Variants in PTK7 observed in about 807,000 individuals in gnomAD.
The protein encoded by PTK7 is protein tyrosine kinase 7 (inactive), also known as inactive tyrosine-protein kinase 7.
In PTK7, 39 loss-of-function variants were observed where a neutral mutation model predicts 116.6. The observed-to-expected ratio is 0.33, with a 90% CI of 0.26 to 0.44. The LOEUF (loss-of-function observed/expected upper bound fraction) is 0.44. Ranked by LOEUF, PTK7 falls within the 20% of genes least tolerant of loss-of-function variation. PTK7 has a pLI of 1.00. For synonymous variants in PTK7, 546 were observed against 563.6 expected (o/e 0.97, Z 0.44); for missense variants, 1,169 against 1,425.6 (o/e 0.82, Z 2.90).
At position 43,131,889 on chromosome 6, in the gene PTK7, T is replaced by C. The variant is rs968838512; in HGVS notation, c.813-127T>C. Reference sequence around the variant, plus strand: ...CCAGTCTGGAGTGTCAGCTTCCTTCTCTCTGCCCTGTTCCTGGTCGATTCC... The same window carrying C: ...CCAGTCTGGAGTGTCAGCTTCCTTCCCTCTGCCCTGTTCCTGGTCGATTCC... On this transcript the variant is annotated intron_variant, in intron 5 of 19. Transcript: ENST00000230419. The C allele has an allele frequency of 3.1e-6, 4 of 1,304,422 alleles. No homozygotes were observed. In the African/African-American group the frequency reaches 5.8e-5, roughly 19 times the overall value. 80.8% of individuals were successfully genotyped at this position (1,304,422 alleles called of 1,614,324 possible).
intron 1 of PTK7, among the ~76,000 whole-genome samples, chr6:43,092,920 T>C (rs1050788869): frequency 2.6e-5 from 4 of 152,224 alleles, no homozygotes; most frequent in African/African-American, 9.7e-5. Context: ...TTTACAGGCC[T>C]AGTTTTGCTT....
Position 43,132,574 on chromosome 6 carries a change from A to G in PTK7, c.1115A>G (p.Lys372Arg). Residue 372 changes from lysine (K) to arginine (R), a missense_variant, in exon 7 of 20, where the codon AAG becomes AGG. This residue lies in a region of PTK7 where 487 missense variants were observed against 549.8 expected (regional missense o/e 0.89). Transcript: ENST00000230419. The part of the protein sequence containing the change: ...RLPTHGRVYQ[K>R]GHELVLANIA... The stretch of plus-strand genomic sequence containing the variant: ...CCCACCCATGGCAGGGTCTACCAGA[A>G]GGGCCACGAGCTGGTGTTGGCCAAT... The G allele has an allele frequency of 1.2e-6, 2 of 1,613,344 alleles. No individual in the cohort carries two copies. Among genetic ancestry groups the G allele is most frequent in the Non-Finnish European group, 1.7e-6 (2 of 1,179,836 alleles).
At position 43,145,905 on chromosome 6, in the gene PTK7, A is replaced by C. The variant is rs981083845; in HGVS notation, c.2640+473A>C. The C allele has an allele frequency of 1.3e-5, 2 of 153,008 alleles. No homozygotes were observed. The highest frequency in any genetic ancestry group is 2.9e-5 in the Non-Finnish European group (2 of 68,672). The allele number at this position is 153,008 out of a possible 1,614,324, so 9.5% of individuals were successfully genotyped here. ...CCTCTCCACTCAGGGTGTCATTCCCAGAGCTGCGCCTTCCTCTTCATTCCC... is the reference window on the plus strand; with the variant it reads ...CCTCTCCACTCAGGGTGTCATTCCCCGAGCTGCGCCTTCCTCTTCATTCCC... On this transcript the variant is annotated intron_variant, in intron 16 of 19. Coordinates refer to ENST00000230419, the MANE Select transcript of PTK7 (RefSeq NM_002821.5). The surrounding 1 kb of genome is among the most constrained non-coding windows in gnomAD (Gnocchi z 4.8).
At chr6:43,127,339 G>A (rs1050695496) in intron 1 of PTK7, among the ~76,000 whole-genome samples, 3 of 152,196 alleles carry the variant, frequency 2.0e-5, no homozygotes, top group Non-Finnish European at 4.4e-5. Context: ...TCGCCCACGC[G>A]GGCTAGGAAC....
intron 1 of PTK7, among the ~76,000 whole-genome samples, chr6:43,105,292 A>G (rs576594120): frequency 2.1e-5 from 3 of 143,722 alleles, no homozygotes; most frequent in African/African-American, 5.1e-5. Context: ...TGACAAAAAG[A>G]AAAAAAAAAA....
Position 43,144,582 on chromosome 6 carries a change from A to C in PTK7, c.2383A>C (p.Ser795Arg). Reference protein sequence around the residue: ...TSDKMHFPRSSLQPITTLGKS... With the variant: ...TSDKMHFPRSRLQPITTLGKS... ...TGATAAGATGCACTTCCCACGGTCT[A>C]GCCTGCAGCCCATCACCACGCTGGG... Residue 795 changes from serine to arginine, a missense_variant, in exon 15 of 20, where the codon AGC becomes CGC. Coordinates refer to ENST00000230419, the MANE Select transcript of PTK7 (RefSeq NM_002821.5). The C allele has an allele frequency of 1.2e-6, 2 of 1,613,232 alleles. No homozygotes were observed. The highest frequency in any genetic ancestry group is 1.7e-6 in the Non-Finnish European group (2 of 1,179,394).
Position 43,076,613 on chromosome 6 carries a change from G to A in PTK7, c.79+46G>A. On this transcript the variant is annotated intron_variant, in intron 1 of 19. Coordinates refer to ENST00000230419, the MANE Select transcript of PTK7 (RefSeq NM_002821.5). The surrounding 1 kb of genome is among the most constrained non-coding windows in gnomAD (Gnocchi z 5.7). ...GGCACAGAGCTTGGGAAGCGCGGGA[G>A]TCCCGTGGGCAAAAGGCTGCGCCCG... 2 of 1,540,734 alleles carry A rather than the reference G, an allele frequency of 1.3e-6. No homozygotes were observed. Among genetic ancestry groups the A allele is most frequent in the Non-Finnish European group, 8.7e-7 (1 of 1,146,344 alleles).
intron 1 of PTK7, among the ~76,000 whole-genome samples, chr6:43,085,785 T>A (rs572820171): frequency 5.9e-5 from 9 of 151,564 alleles, no homozygotes; most frequent in Non-Finnish European, 1.3e-4. Context: ...AATATAAAAT[T>A]AGCCGGGTGT....
chr6:43,112,118 A>G (rs984402367), intron 1 of PTK7, among the ~76,000 whole-genome samples: 1 of 149,212 alleles, frequency 6.7e-6, no homozygotes, highest in Non-Finnish European at 1.5e-5. Context: ...TTTTAACCTC[A>G]TCTCCACCCT....
chr6:43,077,425 TG>T (rs200477681), intron 1 of PTK7, among the ~76,000 whole-genome samples: 27 of 150,768 alleles, frequency 1.8e-4, no homozygotes, highest in East Asian at 3.9e-4. Context: ...TGGCTTTTCT[TG>T]GGGGGGGGCC....
chr6:43,092,993 A>G, intron 1 of PTK7, among the ~76,000 whole-genome samples: 1 of 152,176 alleles, frequency 6.6e-6, no homozygotes. Context: ...TAAATAACAA[A>G]TGATGCTTAA....
chr6:43,088,642 A>G (rs554028328), intron 1 of PTK7, among the ~76,000 whole-genome samples: 23 of 152,250 alleles, frequency 1.5e-4, no homozygotes, highest in African/African-American at 5.5e-4. Flanking sequence ...CAGTGAGTTG[A>G]GATCATGCTA....
Position 43,118,677 on chromosome 6 carries a change from A to C in PTK7, c.80-10300A>C, listed in dbSNP as rs954386750. Reference sequence around the variant, plus strand: ...TCTCTCTCTATATATATATATATATATATATATATATGTATATATGTATAT... The same window carrying C: ...TCTCTCTCTATATATATATATATATCTATATATATATGTATATATGTATAT... On this transcript the variant is annotated intron_variant, in intron 1 of 19. Transcript: ENST00000230419. Among the ~76,000 whole-genome samples, 414 of 118,938 alleles carry C rather than the reference A, an allele frequency of 3.5e-3. 1 individual carries two copies. Among genetic ancestry groups the C allele is most frequent in the African/African-American group, 0.014 (383 of 27,538 alleles). The allele number at this position is 118,938 out of a possible 152,430, so 78.0% of individuals were successfully genotyped here.
intron 17 of PTK7, among the ~76,000 whole-genome samples, chr6:43,157,352 AT>A (rs1561990299): frequency 0.099 from 456 of 4,614 alleles, 55 homozygotes; most frequent in Non-Finnish European, 0.15. Flanking sequence ...ATATATATAT[AT>A]ATATATATAT....
chr6:43,099,912 A>G (rs1767471435), intron 1 of PTK7, among the ~76,000 whole-genome samples: 2 of 150,508 alleles, frequency 1.3e-5, no homozygotes, highest in African/African-American at 2.4e-5. Flanking sequence ...TCTGAAATGG[A>G]GTTTCACTCT....
chr6:43,128,877 T>C (rs1769458828), intron 1 of PTK7, 100 bp from the exon 2 acceptor site: 2 of 1,296,938 alleles, frequency 1.5e-6, no homozygotes, highest in Non-Finnish European at 2.1e-6. Flanking sequence ...GGACGCCTCC[T>C]GTGTACACAG....
intron 17 of PTK7, among the ~76,000 whole-genome samples, chr6:43,151,454 C>T (rs1771076271): frequency 6.6e-6 from 1 of 151,214 alleles, no homozygotes. Flanking sequence ...CCTCGTGATC[C>T]GCCCGCCTCA....
At position 43,139,917 on chromosome 6, in the gene PTK7, C is replaced by G. The variant is rs986757431; in HGVS notation, c.1618+392C>G. 4.0e-5 allele frequency among the ~76,000 whole-genome samples: 6 copies of G among 151,030 alleles called. No individual in the cohort carries two copies. The highest frequency in any genetic ancestry group is 1.5e-4 in the African/African-American group (6 of 40,950). ...TCACTTGAGGCCAGGAGTTTGAGAC[C>G]AGCCTGGCCAACATGGTGAAACCCC... On this transcript the variant is annotated intron_variant, in intron 10 of 19. Transcript: ENST00000230419. The surrounding 1 kb of genome is among the most constrained non-coding windows in gnomAD (Gnocchi z 4.6).
rs896286773 is a variant in PTK7, at chr6:43,132,712, A to G, written c.1228+25A>G. The G allele has an allele frequency of 2.3e-5, 35 of 1,553,170 alleles. 1 individual carries two copies. In the Admixed American group the frequency reaches 5.5e-4, roughly 24 times the overall value. On this transcript the variant is annotated intron_variant, in intron 7 of 19. Transcript: ENST00000230419. ...AGTGAGCACCTTTGCCCTGAAGGTCAAGGAGAGGTGGAGGGGAACACAGGT... is the reference window on the plus strand; with the variant it reads ...AGTGAGCACCTTTGCCCTGAAGGTCGAGGAGAGGTGGAGGGGAACACAGGT...
Sources: allele counts gnomAD v4.1 joint callset (sites outside exome capture counted in the v4.1 genomes callset), GRCh38; gene constraint gnomAD v4.1.1; regional missense constraint gnomAD v4.1.1; non-coding constraint Gnocchi (gnomAD v3.1); transcripts MANE v1.5; gene names NCBI Gene and HGNC (gene_info 2026-07-23, HGNC 2026-07-21).